The following MED27 variants were observed in gnomAD, a reference collection of about 807,000 sequenced individuals.
The protein encoded by MED27 is mediator complex subunit 27, also known as mediator of RNA polymerase II transcription subunit 27.
In MED27, 30 loss-of-function variants were observed where a neutral mutation model predicts 38.2. That is an observed-to-expected ratio of 0.79 (90% CI 0.59 to 1.07). The LOEUF (loss-of-function observed/expected upper bound fraction) is 1.07. Ranked by LOEUF, MED27 falls within the 50% of genes least tolerant of loss-of-function variation. The probability of loss-of-function intolerance (pLI) is 0.00; values close to 1 mark genes in which losing one functional copy is unlikely to be tolerated. For synonymous variants in MED27, 122 were observed against 153.5 expected (o/e 0.79, Z 1.52); for missense variants, 289 against 397.5 (o/e 0.73, Z 2.32).
chr9:131,979,483 CAAAAAAAAA>C (rs36197993), intron 3 of MED27, among the ~76,000 whole-genome samples: 3 of 127,744 alleles, frequency 2.3e-5, no homozygotes, highest in African/African-American at 6.1e-5. Context: ...AAAGCTGTTC[CAAAAAAAAA>C]AAAAAAAAAA....
chr9:131,916,008 T>C (rs1353428929), intron 4 of MED27, among the ~76,000 whole-genome samples: 1 of 152,226 alleles, frequency 6.6e-6, no homozygotes, highest in African/African-American at 2.4e-5. Context: ...TAAAATCCAA[T>C]ATAATACAAT....
intron 4 of MED27, among the ~76,000 whole-genome samples, chr9:131,900,147 C>T (rs144126434): frequency 6.6e-6 from 1 of 152,188 alleles, no homozygotes; most frequent in African/African-American, 2.4e-5. Context: ...TCAAGGTGCA[C>T]TTGAAGAGGA....
chr9:132,069,722 A>G (rs980829576), intron 2 of MED27, among the ~76,000 whole-genome samples: 1 of 152,200 alleles, frequency 6.6e-6, no homozygotes, highest in Non-Finnish European at 1.5e-5. Context: ...GACTCCAATG[A>G]ACCTCTCCAG....
At chr9:132,000,944 T>C (rs1053904795) in intron 3 of MED27, among the ~76,000 whole-genome samples, 2 of 151,474 alleles carry the variant, frequency 1.3e-5, no homozygotes, top group African/African-American at 4.9e-5. Flanking sequence ...TACAAAAAAC[T>C]TAAAAATTAG....
chr9:131,884,124 A>T (rs1448151088), intron 5 of MED27, 25 bp from the exon 6 acceptor site: 2 of 1,590,666 alleles, frequency 1.3e-6, no homozygotes, highest in Non-Finnish European at 1.7e-6. Context: ...GAGAAGGATC[A>T]TCAGCATCGG....
intron 3 of MED27, among the ~76,000 whole-genome samples, chr9:131,975,730 A>G (rs900338178): frequency 2.0e-5 from 3 of 152,228 alleles, no homozygotes; most frequent in Non-Finnish European, 2.9e-5. Context: ...AACACAATGC[A>G]TTATGAGGAT....
At chr9:131,944,353 C>T (rs1407654990) in intron 3 of MED27, among the ~76,000 whole-genome samples, 1 of 152,068 alleles carries the variant, frequency 6.6e-6, no homozygotes, top group Non-Finnish European at 1.5e-5. Flanking sequence ...CCTTGCATTG[C>T]CTGACGTCTG....
At position 131,912,227 on chromosome 9, in the gene MED27, C is replaced by T. The variant is rs1182998718; in HGVS notation, c.574-18235G>A. On this transcript the variant is annotated intron_variant, in intron 4 of 7. Transcript: ENST00000292035. ...AAGCATGTCCAGGAAACAACATGCT[C>T]CTCTTGAAGATTCAGTGTGTATGAA... 3.9e-5 allele frequency among the ~76,000 whole-genome samples: 6 copies of T among 152,256 alleles called. No homozygotes were observed. In the East Asian group the frequency reaches 1.2e-3, roughly 29 times the overall value.
intron 3 of MED27, among the ~76,000 whole-genome samples, chr9:131,994,752 G>C (rs1396997252): frequency 1.3e-5 from 2 of 152,120 alleles, no homozygotes; most frequent in African/African-American, 4.8e-5. Context: ...TTAGAGTTCT[G>C]ACTTAGGGCA....
At chr9:131,864,674 G>A (rs1564258573) in intron 6 of MED27, among the ~76,000 whole-genome samples, 1 of 152,248 alleles carries the variant, frequency 6.6e-6, no homozygotes, top group Admixed American at 6.5e-5. Context: ...ACCAGGGTCC[G>A]CGCCCCGCAC....
At chr9:131,919,045 G>C (rs1277077817) in intron 4 of MED27, among the ~76,000 whole-genome samples, 1 of 152,130 alleles carries the variant, frequency 6.6e-6, no homozygotes, top group East Asian at 1.9e-4. Flanking sequence ...CCTCCCAGGA[G>C]TTCATGGACC....
At chr9:131,969,611 T>C (rs1831431654) in intron 3 of MED27, among the ~76,000 whole-genome samples, 1 of 152,184 alleles carries the variant, frequency 6.6e-6, no homozygotes, top group South Asian at 2.1e-4. Flanking sequence ...AGGCCGCTGC[T>C]ATTCTAGCCC....
chr9:131,986,513 TA>T (rs1444573641), intron 3 of MED27, among the ~76,000 whole-genome samples: 1 of 152,162 alleles, frequency 6.6e-6, no homozygotes, highest in Non-Finnish European at 1.5e-5. Flanking sequence ...ACAGTATTTT[TA>T]CTATACATTT....
chr9:131,907,488 G>A (rs531685740), intron 4 of MED27, among the ~76,000 whole-genome samples: 300 of 152,304 alleles, frequency 2.0e-3, no homozygotes, highest in Non-Finnish European at 3.6e-3. Flanking sequence ...CCGAGGTGCC[G>A]GGATTGCAGA....
chr9:131,892,824 T>C (rs1839251016), intron 5 of MED27, among the ~76,000 whole-genome samples: 1 of 152,176 alleles, frequency 6.6e-6, no homozygotes. Flanking sequence ...TCCAAAGACA[T>C]TTGGTTTTTC....
chr9:131,871,058 C>T (rs561615201), intron 6 of MED27, among the ~76,000 whole-genome samples: 28 of 152,172 alleles, frequency 1.8e-4, no homozygotes, highest in Non-Finnish European at 3.1e-4. Flanking sequence ...GTGGGATGGT[C>T]CTACTGTGGA....
chr9:131,871,001 G>A (rs1205372531), intron 6 of MED27, among the ~76,000 whole-genome samples: 6 of 152,220 alleles, frequency 3.9e-5, no homozygotes, highest in African/African-American at 1.2e-4. Context: ...CACATTCATC[G>A]AGGGAATGAA....
intron 2 of MED27, among the ~76,000 whole-genome samples, chr9:132,034,057 CA>C (rs1405624940): frequency 6.6e-6 from 1 of 152,140 alleles, no homozygotes; most frequent in Non-Finnish European, 1.5e-5. Flanking sequence ...AACACAGCAC[CA>C]ATACAGCCCC....
chr9:131,934,899 G>A (rs1224834075), intron 4 of MED27, among the ~76,000 whole-genome samples: 1 of 152,212 alleles, frequency 6.6e-6, no homozygotes, highest in South Asian at 2.1e-4. Flanking sequence ...ACAAGATCTT[G>A]TCATCTGCAA....
Sources: allele counts gnomAD v4.1 joint callset (sites outside exome capture counted in the v4.1 genomes callset), GRCh38; gene constraint gnomAD v4.1.1; transcripts MANE v1.5; gene names NCBI Gene and HGNC (gene_info 2026-07-23, HGNC 2026-07-21).